Variants in ARHGEF7 observed in about 807,000 individuals in gnomAD.
ARHGEF7 encodes PAK-interacting exchange factor beta.
A neutral mutation model predicts 109.8 loss-of-function variants in ARHGEF7; 33 were observed. The observed-to-expected ratio is 0.30, with a 90% CI of 0.23 to 0.40. The LOEUF (loss-of-function observed/expected upper bound fraction) is 0.40, where lower values mean the gene tolerates loss of function less well. Among genes scored for constraint, ARHGEF7 ranks in the 10% least tolerant of loss-of-function variants. The probability of loss-of-function intolerance (pLI) is 1.00; values close to 1 mark genes in which losing one functional copy is unlikely to be tolerated. For missense variants in ARHGEF7, 938 were observed against 1,098.5 expected, an observed-to-expected ratio of 0.85 and a Z score of 2.07; for synonymous variants, 458 against 424.6, an observed-to-expected ratio of 1.08 and a Z score of -0.97.
intron 2 of ARHGEF7, among the ~76,000 whole-genome samples, chr13:111,157,341 A>G (rs1486446846): frequency 6.7e-6 from 1 of 150,316 alleles, no homozygotes; most frequent in Non-Finnish European, 1.5e-5. Context: ...CACAATTTCT[A>G]TTTGTATCTC....
rs2093623073 is a variant in ARHGEF7, at chr13:111,304,506, G to A, written c.*1393G>A. ...GCAGCACCGTGGATTACTGGTCTCA[G>A]AACAACTCATTGCGCATCAGATTTG... On this transcript the variant is annotated 3_prime_UTR_variant, in exon 22 of 22. Transcript: ENST00000646102. 1 of 152,252 alleles carries A rather than the reference G, an allele frequency of 6.6e-6. No homozygotes were observed. The highest frequency in any genetic ancestry group is 2.4e-5 in the African/African-American group (1 of 41,468). The allele number at this position is 152,252 out of a possible 1,614,324, so 9.4% of individuals were successfully genotyped here.
In ARHGEF7 at chr13:111,210,104, C is replaced by A. The variant is rs1040143351; in HGVS notation, c.468+102C>A. 1.9e-5 allele frequency: 29 copies of A among 1,498,202 alleles called. No homozygotes were observed. In the East Asian group the frequency reaches 5.3e-4, roughly 27 times the overall value. The allele number at this position is 1,498,202 out of a possible 1,614,324, so 92.8% of individuals were successfully genotyped here. ...GTATGCCTCCATTAATGGTGTTAAA[C>A]AGGGCAAAGGTAGCTGGACTTCGCC... is the stretch of plus-strand genomic sequence containing the variant. On this transcript the variant is annotated intron_variant, in intron 4 of 21. Coordinates refer to ENST00000646102, the MANE Select transcript of ARHGEF7 (RefSeq NM_001354046.2).
intron 3 of ARHGEF7, among the ~76,000 whole-genome samples, chr13:111,206,760 G>A (rs1402918046): frequency 6.6e-6 from 1 of 151,914 alleles, no homozygotes; most frequent in African/African-American, 2.4e-5. Context: ...AGGAGATCGA[G>A]ACCATCCTGG....
chr13:111,146,800 C>G (rs1263578932), intron 1 of ARHGEF7, among the ~76,000 whole-genome samples: 1 of 152,154 alleles, frequency 6.6e-6, no homozygotes, highest in Non-Finnish European at 1.5e-5. Context: ...GACATGAAAA[C>G]TGGATAGCTG....
At chr13:111,281,531 G>A (rs2092780349) in intron 15 of ARHGEF7, among the ~76,000 whole-genome samples, 1 of 152,146 alleles carries the variant, frequency 6.6e-6, no homozygotes, top group African/African-American at 2.4e-5. Flanking sequence ...GAGTCCATCT[G>A]ATTTCTTTCA....
chr13:111,125,126 T>G (rs1056750790), intron 1 of ARHGEF7, among the ~76,000 whole-genome samples: 1 of 151,966 alleles, frequency 6.6e-6, no homozygotes, highest in Non-Finnish European at 1.5e-5. Flanking sequence ...TTTGGAGGGA[T>G]TTTTTTTCAA....
intron 5 of ARHGEF7, among the ~76,000 whole-genome samples, chr13:111,221,066 C>T (rs1300482073): frequency 6.9e-6 from 1 of 144,570 alleles, no homozygotes; most frequent in Non-Finnish European, 1.5e-5. Flanking sequence ...TCTACATATA[C>T]ATATATACAT....
intron 1 of ARHGEF7, among the ~76,000 whole-genome samples, chr13:111,146,986 A>G (rs2075626432): frequency 6.6e-6 from 1 of 152,180 alleles, no homozygotes; most frequent in Non-Finnish European, 1.5e-5. Flanking sequence ...AAAAGCCTGG[A>G]GTTTATTACC....
chr13:111,169,568 C>T (rs1264542549), intron 2 of ARHGEF7, among the ~76,000 whole-genome samples: 1 of 152,186 alleles, frequency 6.6e-6, no homozygotes, highest in Non-Finnish European at 1.5e-5. Flanking sequence ...CCAGGCCCCA[C>T]CTCCAACATT....
At chr13:111,120,947 A>G (rs1020896997) in intron 1 of ARHGEF7, among the ~76,000 whole-genome samples, 5 of 152,212 alleles carry the variant, frequency 3.3e-5, no homozygotes, top group African/African-American at 7.2e-5. Flanking sequence ...TCTGCCACCT[A>G]TACTGAACTT....
Position 111,229,100 on chromosome 13 carries a change from C to T in ARHGEF7, c.671-4105C>T, listed in dbSNP as rs192835156. Among the ~76,000 whole-genome samples the T allele has an allele frequency of 6.7e-4, 102 of 152,028 alleles. 2 individuals carry two copies. The East Asian group carries it at 0.014, about 20-fold the overall frequency. ...CACCTGGCTCCCCGGACCTGGCCCTCGCCCAGCTGTGCAGCGTTCCTGTGT... is the reference window on the plus strand; with the variant it reads ...CACCTGGCTCCCCGGACCTGGCCCTTGCCCAGCTGTGCAGCGTTCCTGTGT... On this transcript the variant is annotated intron_variant, in intron 5 of 21. Transcript: ENST00000646102.
chr13:111,203,220 T>C (rs2081389174), intron 2 of ARHGEF7: 2 of 613,778 alleles, frequency 3.3e-6, no homozygotes. Flanking sequence ...TCTGTAGAGC[T>C]GAAAGACATT....
intron 2 of ARHGEF7, among the ~76,000 whole-genome samples, chr13:111,176,090 AAG>A (rs2078133270): frequency 6.6e-6 from 1 of 152,116 alleles, no homozygotes; most frequent in African/African-American, 2.4e-5. Context: ...AGTCAAGATA[AAG>A]AGTTGGTTGG....
chr13:111,275,400 T>C (rs949834282), intron 11 of ARHGEF7, 132 bp from the exon 12 acceptor site: 47 of 1,054,864 alleles, frequency 4.5e-5, no homozygotes, highest in Non-Finnish European at 6.1e-5. Context: ...AGCAAATCGC[T>C]CAATAAATTA....
At position 111,304,314 on chromosome 13, in the gene ARHGEF7, C is replaced by T. The variant is rs1430122111; in HGVS notation, c.*1201C>T. 1 of 152,270 alleles carries T rather than the reference C, an allele frequency of 6.6e-6. No individual in the cohort carries two copies. Among genetic ancestry groups the T allele is most frequent in the Non-Finnish European group, 1.5e-5 (1 of 68,054 alleles). The allele number at this position is 152,270 out of a possible 1,614,324, so 9.4% of individuals were successfully genotyped here. The stretch of plus-strand genomic sequence containing the variant: ...CTGGCTCTGGAAAGCCTGTGCGGTC[C>T]TGGGCAGGAAGCCCGGCCCGTGGAG... On this transcript the variant is annotated 3_prime_UTR_variant, in exon 22 of 22. Coordinates refer to ENST00000646102, the MANE Select transcript of ARHGEF7 (RefSeq NM_001354046.2).
intron 2 of ARHGEF7, among the ~76,000 whole-genome samples, chr13:111,167,269 T>G (rs1456646252): frequency 6.6e-6 from 1 of 152,208 alleles, no homozygotes; most frequent in African/African-American, 2.4e-5. Context: ...TAGAAGAAAC[T>G]GAGGACTCGT....
In ARHGEF7 at chr13:111,145,044, T is replaced by A. The variant is rs567273454; in HGVS notation, c.166-8861T>A. On this transcript the variant is annotated intron_variant, in intron 1 of 21. Transcript: ENST00000646102. The surrounding 1 kb of genome is among the most constrained non-coding windows in gnomAD (Gnocchi z 4.3). ...ACATTTTCTTCTTGCTTTTTTTTTT[T>A]AAAAACACAAAAGGTAGATATTATC... 3.2e-4 allele frequency among the ~76,000 whole-genome samples: 48 copies of A among 151,170 alleles called. No individual in the cohort carries two copies. Among genetic ancestry groups the A allele is most frequent in the East Asian group, 2.5e-3 (13 of 5,160 alleles).
intron 8 of ARHGEF7, among the ~76,000 whole-genome samples, chr13:111,246,018 C>G (rs181061788): frequency 1.3e-5 from 2 of 152,286 alleles, no homozygotes; most frequent in East Asian, 1.9e-4. Context: ...GGCTTTGTCA[C>G]TTTTCCAAAA....
intron 21 of ARHGEF7, among the ~76,000 whole-genome samples, chr13:111,302,287 G>A (rs4773341): frequency 0.33 from 50,401 of 151,980 alleles, 9,309 homozygotes; most frequent in Non-Finnish European, 0.42. Context: ...TTCATTGCAC[G>A]GAATGTGAGT....
Sources: gnomAD v4.1 joint callset for allele counts (sites outside exome capture counted in the v4.1 genomes callset) on GRCh38, gnomAD v4.1.1 for gene constraint, Gnocchi (gnomAD v3.1) non-coding constraint, MANE v1.5 for transcripts, NCBI Gene and HGNC (gene_info 2026-07-23, HGNC 2026-07-21) for gene names.